SEPHS1: variants seen among roughly 807,000 people sequenced by gnomAD.
SEPHS1 encodes the protein selenophosphate synthetase 1.
SEPHS1 carries 7 observed loss-of-function variants against 39.2 expected under a neutral mutation model. The ratio of observed to expected loss-of-function variants is 0.18; its 90% CI spans 0.10 to 0.34. The LOEUF is 0.34. Among genes scored for constraint, SEPHS1 ranks in the 10% least tolerant of loss-of-function variants. The pLI is 1.00. For synonymous variants in SEPHS1, 190 were observed against 195.5 expected (o/e 0.97, Z 0.23); for missense variants, 253 against 514.5 (o/e 0.49, Z 4.92).
intron 2 of SEPHS1, chr10:13,340,570 G>C (rs528655929): frequency 1.3e-5 from 2 of 152,294 alleles, no homozygotes; most frequent in Non-Finnish European, 1.5e-5. Context: ...AACAGTAAGA[G>C]GCAGTTTTCT....
At chr10:13,347,937 G>T (rs1427294501) in intron 1 of SEPHS1, 63 bp downstream of exon 1, 1 of 147,372 alleles carries the variant, frequency 6.8e-6, no homozygotes, top group Non-Finnish European at 1.5e-5. Flanking sequence ...GCCGCCGCGG[G>T]CCTGCGGACC....
rs761058942 is a variant in SEPHS1 at position 13,323,065 on chromosome 10, C to A, written c.752-18G>T. 1.2e-6 allele frequency: 2 copies of A among 1,609,174 alleles called. No homozygotes were observed. Among genetic ancestry groups the A allele is most frequent in the Non-Finnish European group, 1.7e-6 (2 of 1,176,294 alleles). On this transcript the variant is annotated intron_variant, in intron 7 of 8. Coordinates refer to ENST00000327347, the MANE Select transcript of SEPHS1 (RefSeq NM_012247.5). Reference sequence around the variant, plus strand: ...TCCTGCAGCTGGGAGAGAGAGGGGGCGGCTCTGAGAAAAAACACCTTTCCT... The same window carrying A: ...TCCTGCAGCTGGGAGAGAGAGGGGGAGGCTCTGAGAAAAAACACCTTTCCT...
At chr10:13,335,406 C>T (rs1195437576) in intron 4 of SEPHS1, among the ~76,000 whole-genome samples, 1 of 152,190 alleles carries the variant, frequency 6.6e-6, no homozygotes. Flanking sequence ...TGGCTCATGC[C>T]TATAATCCCA....
At chr10:13,342,571 G>C (rs1411938203) in intron 2 of SEPHS1, among the ~76,000 whole-genome samples, 1 of 152,130 alleles carries the variant, frequency 6.6e-6, no homozygotes, top group African/African-American at 2.4e-5. Flanking sequence ...GGGCGACACA[G>C]TGAGACTTCA....
intron 1 of SEPHS1, among the ~76,000 whole-genome samples, chr10:13,347,782 C>T (rs1329791530): frequency 2.9e-5 from 4 of 136,670 alleles, no homozygotes; most frequent in Non-Finnish European, 6.4e-5. Context: ...CGGCCCCGCG[C>T]GGCGGCGGCG....
chr10:13,325,633 A>G (rs1352622491), intron 7 of SEPHS1, among the ~76,000 whole-genome samples: 1 of 152,224 alleles, frequency 6.6e-6, no homozygotes, highest in Non-Finnish European at 1.5e-5. Flanking sequence ...TTACCCAGTC[A>G]GCTGGGCATG....
intron 2 of SEPHS1, 41 bp from the exon 3 acceptor site, chr10:13,338,849 G>A (rs1316234489): frequency 6.9e-7 from 1 of 1,448,004 alleles, no homozygotes; most frequent in Non-Finnish European, 9.7e-7. Context: ...AATAAAACGG[G>A]AAAGCCATTT....
intron 8 of SEPHS1, among the ~76,000 whole-genome samples, chr10:13,320,353 T>G (rs1224839185): frequency 6.6e-6 from 1 of 151,836 alleles, no homozygotes; most frequent in East Asian, 2.0e-4. Context: ...GGCTAATTTT[T>G]TGTATTTTTA....
chr10:13,322,708 G>A, intron 8 of SEPHS1, 127 bp downstream of exon 8: 2 of 839,156 alleles, frequency 2.4e-6, no homozygotes, highest in Non-Finnish European at 3.7e-6. Context: ...AGCTGCTGCG[G>A]AGGCCGAGGT....
chr10:13,335,980 CAAAAAAAA>C (rs1266329760), intron 4 of SEPHS1, among the ~76,000 whole-genome samples: 1 of 93,466 alleles, frequency 1.1e-5, no homozygotes, highest in African/African-American at 4.6e-5. Context: ...ACTCCTGTCT[CAAAAAAAA>C]AAAAAAAAAA....
chr10:13,339,065 T>A (rs189714470), intron 2 of SEPHS1, among the ~76,000 whole-genome samples: 1 of 152,352 alleles, frequency 6.6e-6, no homozygotes, highest in East Asian at 1.9e-4. Flanking sequence ...TCCTTAATGA[T>A]GCCTTGAATA....
At chr10:13,322,717 G>T in intron 8 of SEPHS1, 118 bp downstream of exon 8, 1 of 934,220 alleles carries the variant, frequency 1.1e-6, no homozygotes, top group Non-Finnish European at 1.6e-6. Context: ...GGAGGCCGAG[G>T]TCAGCAGCAT....
chr10:13,334,649 GCTGCAGTGAGCTCTCATCACACCA>G (rs1397696178), intron 4 of SEPHS1, among the ~76,000 whole-genome samples: 49 of 152,314 alleles, frequency 3.2e-4, no homozygotes, highest in African/African-American at 1.2e-3. Context: ...GGCTGAGGCT[GCTGCAGTGAGCTCTCATCACACCA>G]CTGCACTCCA....
At chr10:13,328,046 T>TTA (rs1318518518) in intron 7 of SEPHS1, among the ~76,000 whole-genome samples, 1 of 152,040 alleles carries the variant, frequency 6.6e-6, no homozygotes, top group Non-Finnish European at 1.5e-5. Flanking sequence ...ATCTTAAACT[T>TTA]TCTAAATTTC....
chr10:13,345,920 A>G (rs1292392829), intron 1 of SEPHS1, among the ~76,000 whole-genome samples: 2 of 152,220 alleles, frequency 1.3e-5, no homozygotes, highest in African/African-American at 4.8e-5. Flanking sequence ...AACTAATAGG[A>G]GTCCTCTCTA....
chr10:13,329,069 GC>G (rs2131702285), intron 6 of SEPHS1, among the ~76,000 whole-genome samples: 1 of 152,290 alleles, frequency 6.6e-6, no homozygotes, highest in African/African-American at 2.4e-5. Flanking sequence ...GAAATTAAAT[GC>G]ACCATGATAT....
At chr10:13,342,199 G>A (rs1171505880) in intron 2 of SEPHS1, among the ~76,000 whole-genome samples, 5 of 151,772 alleles carry the variant, frequency 3.3e-5, no homozygotes, top group African/African-American at 7.3e-5. Context: ...CCTGGGAGGC[G>A]GAGCTTGCAA....
intron 2 of SEPHS1, 170 bp from the exon 3 acceptor site, chr10:13,338,978 C>T (rs1833716004): frequency 1.6e-6 from 1 of 619,002 alleles, no homozygotes; most frequent in Non-Finnish European, 2.9e-6. Flanking sequence ...AAACGTGAAA[C>T]ATATCCAGCT....
At chr10:13,341,444 A>AC (rs1833780609) in intron 2 of SEPHS1, among the ~76,000 whole-genome samples, 1 of 122,968 alleles carries the variant, frequency 8.1e-6, no homozygotes, top group African/African-American at 2.6e-5. Context: ...CCCACCCCCA[A>AC]CCCCTGCACC....
Sources: allele counts gnomAD v4.1 joint callset (sites outside exome capture counted in the v4.1 genomes callset), GRCh38; gene constraint gnomAD v4.1.1; transcripts MANE v1.5; gene names NCBI Gene and HGNC (gene_info 2026-07-23, HGNC 2026-07-21).